SYT1: variants seen among roughly 807,000 people sequenced by gnomAD.
SYT1 encodes synaptotagmin-1.
Under a neutral mutation model 44.8 loss-of-function variants are expected in SYT1, and 8 were observed. The observed-to-expected ratio is 0.18, with a 90% CI of 0.10 to 0.32. SYT1 has a LOEUF of 0.32. Ranked by LOEUF, SYT1 falls within the 10% of genes least tolerant of loss-of-function variation. The probability of loss-of-function intolerance (pLI) is 1.00; values close to 1 mark genes in which losing one functional copy is unlikely to be tolerated. For synonymous variants in SYT1, 154 were observed against 188.8 expected (o/e 0.82, Z 1.51); for missense variants, 286 against 509.3 (o/e 0.56, Z 4.22).
chr12:78,992,909 T>G (rs1870114766), intron 2 of SYT1, among the ~76,000 whole-genome samples: 1 of 152,210 alleles, frequency 6.6e-6, no homozygotes, highest in Non-Finnish European at 1.5e-5. Context: ...TTATTTAGTA[T>G]ATGTAAGAGC....
chr12:79,056,823 T>A (rs1874982935), intron 3 of SYT1, among the ~76,000 whole-genome samples: 1 of 152,060 alleles, frequency 6.6e-6, no homozygotes, highest in Non-Finnish European at 1.5e-5. Flanking sequence ...TTTTGCTGCA[T>A]TTTTCCCTCA....
intron 1 of SYT1, among the ~76,000 whole-genome samples, chr12:78,949,020 G>C (rs1271442299): frequency 6.7e-6 from 1 of 149,678 alleles, no homozygotes; most frequent in Non-Finnish European, 1.5e-5. Flanking sequence ...ACCAAATTTA[G>C]GTTTCTTGAA....
chr12:79,269,311 C>G (rs1204549841), intron 4 of SYT1, among the ~76,000 whole-genome samples: 1 of 152,110 alleles, frequency 6.6e-6, no homozygotes, highest in Admixed American at 6.6e-5. Flanking sequence ...CTCTAACCAG[C>G]TACCTATAAA....
At chr12:79,193,162 T>A (rs186860051) in intron 3 of SYT1, among the ~76,000 whole-genome samples, 1 of 152,328 alleles carries the variant, frequency 6.6e-6, no homozygotes. Context: ...ATTTTCTTTA[T>A]ACTAGGGTTG....
At chr12:79,361,915 A>G (rs1883329975) in intron 9 of SYT1, among the ~76,000 whole-genome samples, 1 of 152,182 alleles carries the variant, frequency 6.6e-6, no homozygotes, top group African/African-American at 2.4e-5. Context: ...ATGTGATATT[A>G]TTGGGAGAGG....
intron 3 of SYT1, among the ~76,000 whole-genome samples, chr12:79,106,246 GAAGAT>G (rs1278937281): frequency 6.6e-6 from 1 of 152,166 alleles, no homozygotes; most frequent in Non-Finnish European, 1.5e-5. Flanking sequence ...AGAAAAGAAT[GAAGAT>G]AAAAGAGCAG....
chr12:78,909,554 C>G (rs1183909195), intron 1 of SYT1, among the ~76,000 whole-genome samples: 1 of 151,838 alleles, frequency 6.6e-6, no homozygotes, highest in African/African-American at 2.4e-5. Context: ...CCATTCTAAC[C>G]AGACTTATTT....
At chr12:78,957,364 C>T (rs1879266834) in intron 1 of SYT1, among the ~76,000 whole-genome samples, 1 of 152,250 alleles carries the variant, frequency 6.6e-6, no homozygotes, top group South Asian at 2.1e-4. Context: ...CTTTCATTTT[C>T]TCCTTAAATA....
intron 1 of SYT1, among the ~76,000 whole-genome samples, chr12:78,914,391 ACAG>A (rs993512530): frequency 4.6e-5 from 7 of 152,046 alleles, no homozygotes; most frequent in Admixed American, 2.6e-4. Context: ...TATTCTGATA[ACAG>A]TCTATGGCCT....
At chr12:79,124,606 TATC>T (rs1032439005) in intron 3 of SYT1, among the ~76,000 whole-genome samples, 16 of 151,888 alleles carry the variant, frequency 1.1e-4, no homozygotes, top group East Asian at 7.8e-4. Context: ...TCATCACCAT[TATC>T]ATCATCACCA....
At chr12:79,282,653 A>G (rs1308397432) in intron 4 of SYT1, among the ~76,000 whole-genome samples, 3 of 151,968 alleles carry the variant, frequency 2.0e-5, no homozygotes, top group Non-Finnish European at 4.4e-5. Flanking sequence ...TTAATTTAAT[A>G]TGTTCTATTA....
intron 9 of SYT1, among the ~76,000 whole-genome samples, chr12:79,370,488 C>T (rs1378242172): frequency 1.3e-5 from 2 of 152,048 alleles, no homozygotes; most frequent in African/African-American, 4.8e-5. Context: ...TAGGGCCGGG[C>T]GCGGTGGCTC....
intron 2 of SYT1, among the ~76,000 whole-genome samples, chr12:79,032,647 T>C (rs1872897125): frequency 6.6e-6 from 1 of 151,322 alleles, no homozygotes; most frequent in Non-Finnish European, 1.5e-5. Context: ...TTACAATTGT[T>C]AGTAAAATTA....
chr12:79,377,100 TTTTG>T (rs1413787180), intron 9 of SYT1, among the ~76,000 whole-genome samples: 1 of 80,108 alleles, frequency 1.2e-5, no homozygotes, highest in Non-Finnish European at 2.1e-5. Flanking sequence ...ATGTAACATT[TTTTG>T]TTTTTTTGTT....
At chr12:79,362,202 T>C (rs563960869) in intron 9 of SYT1, among the ~76,000 whole-genome samples, 2 of 152,242 alleles carry the variant, frequency 1.3e-5, no homozygotes, top group East Asian at 3.9e-4. Flanking sequence ...TTTCCAGCCA[T>C]TGAAATGCAA....
chr12:79,016,602 G>A (rs1347107631), intron 2 of SYT1, among the ~76,000 whole-genome samples: 1 of 152,036 alleles, frequency 6.6e-6, no homozygotes, highest in African/African-American at 2.4e-5. Context: ...ACATTTAAAG[G>A]GGAAAAACTC....
chr12:79,299,802 A>C (rs1880048218), intron 8 of SYT1, among the ~76,000 whole-genome samples: 1 of 152,114 alleles, frequency 6.6e-6, no homozygotes, highest in African/African-American at 2.4e-5. Flanking sequence ...AAACAAACAC[A>C]CATGCCCACA....
At chr12:79,276,860 TC>T (rs1489407899) in intron 4 of SYT1, among the ~76,000 whole-genome samples, 4 of 148,818 alleles carry the variant, frequency 2.7e-5, no homozygotes, top group Non-Finnish European at 5.9e-5. Context: ...AAATAAAGTC[TC>T]CAAGAAATGT....
intron 2 of SYT1, among the ~76,000 whole-genome samples, chr12:79,013,874 T>C (rs978939665): frequency 2.0e-5 from 3 of 151,984 alleles, no homozygotes; most frequent in African/African-American, 7.2e-5. Context: ...ACGCCTGTAA[T>C]CCCAGCACTT....
Sources: gnomAD v4.1 joint callset for allele counts (sites outside exome capture counted in the v4.1 genomes callset) on GRCh38, gnomAD v4.1.1 for gene constraint, MANE v1.5 for transcripts, NCBI Gene and HGNC (gene_info 2026-07-23, HGNC 2026-07-21) for gene names.